TMEM132D: variants seen among roughly 807,000 people sequenced by gnomAD.
TMEM132D encodes mature OL transmembrane protein.
A neutral mutation model predicts 62.3 loss-of-function variants in TMEM132D; 21 were observed. The observed-to-expected ratio is 0.34, with a 90% confidence interval of 0.24 to 0.49. The LOEUF is 0.49. Ranked by LOEUF, TMEM132D falls within the 20% of genes least tolerant of loss-of-function variation. TMEM132D has a pLI of 0.99. For synonymous variants in TMEM132D, 621 were observed against 575.6 expected (o/e 1.08, Z -1.13); for missense variants, 1,346 against 1,402.8 (o/e 0.96, Z 0.65).
intron 4 of TMEM132D, among the ~76,000 whole-genome samples, chr12:129,274,382 T>C (rs1880944367): frequency 6.6e-6 from 1 of 152,194 alleles, no homozygotes; most frequent in Non-Finnish European, 1.5e-5. Flanking sequence ...TTGAGATACA[T>C]GGCGAGGTAC....
At position 129,654,253 on chromosome 12, in the gene TMEM132D, CTT is replaced by C. The variant is rs1491434880; in HGVS notation, c.968+45555_968+45556del. Among the ~76,000 whole-genome samples the C allele has an allele frequency of 5.8e-4, 87 of 149,210 alleles. 3 individuals are homozygous for C. In the South Asian group the frequency reaches 0.014, roughly 23 times the overall value. ...TGTTCCCATCAGTCTCAGTCTCTCT[CTT>C]TCTCTCTCTCTCTCTCACTCTCTCG... is the stretch of plus-strand genomic sequence containing the variant. On this transcript the variant is annotated intron_variant, in intron 2 of 8. Transcript: ENST00000422113.
chr12:129,505,673 G>C (rs749088562), intron 3 of TMEM132D, among the ~76,000 whole-genome samples: 1 of 152,170 alleles, frequency 6.6e-6, no homozygotes, highest in South Asian at 2.1e-4. Flanking sequence ...ATTAGGTCTA[G>C]TAGTAACTGT....
At chr12:129,618,686 A>C (rs1878984381) in intron 2 of TMEM132D, among the ~76,000 whole-genome samples, 1 of 152,232 alleles carries the variant, frequency 6.6e-6, no homozygotes, top group African/African-American at 2.4e-5. Flanking sequence ...ATCTATGTAC[A>C]TACATACAAA....
At chr12:129,556,834 A>G (rs1210439301) in intron 2 of TMEM132D, among the ~76,000 whole-genome samples, 1 of 152,238 alleles carries the variant, frequency 6.6e-6, no homozygotes, top group East Asian at 1.9e-4. Context: ...CGGTGAAGTT[A>G]GAGAACACTG....
chr12:129,725,314 T>C (rs116040691), intron 1 of TMEM132D, among the ~76,000 whole-genome samples: 1,914 of 152,326 alleles, frequency 0.013, 39 homozygotes, highest in African/African-American at 0.044. Flanking sequence ...TGCCTACAGA[T>C]AGTGTGCTAA....
intron 4 of TMEM132D, chr12:129,211,955 C>A (rs117678224): frequency 1.3e-5 from 2 of 152,070 alleles, no homozygotes; most frequent in Non-Finnish European, 2.9e-5. Context: ...TTTTTTTCTA[C>A]TCTAAAGGGG....
At chr12:129,385,529 A>T (rs772860517) in intron 3 of TMEM132D, among the ~76,000 whole-genome samples, 2 of 152,202 alleles carry the variant, frequency 1.3e-5, no homozygotes, top group Non-Finnish European at 2.9e-5. Flanking sequence ...CCTCCTGGCC[A>T]CCAACCAGCC....
chr12:129,380,782 C>A (rs1250333428), intron 3 of TMEM132D, among the ~76,000 whole-genome samples: 3 of 152,100 alleles, frequency 2.0e-5, no homozygotes, highest in African/African-American at 7.2e-5. Context: ...TAAAACTCCA[C>A]CCCATTTCAA....
intron 3 of TMEM132D, among the ~76,000 whole-genome samples, chr12:129,524,824 C>T (rs1047102291): frequency 6.6e-6 from 1 of 151,666 alleles, no homozygotes; most frequent in African/African-American, 2.4e-5. Context: ...CACTGTACTC[C>T]AGCCTAGCGA....
At chr12:129,814,809 G>A (rs1872299832) in intron 1 of TMEM132D, among the ~76,000 whole-genome samples, 1 of 151,916 alleles carries the variant, frequency 6.6e-6, no homozygotes, top group South Asian at 2.1e-4. Flanking sequence ...TCCCAGGACT[G>A]TTGCCCAGTT....
chr12:129,230,308 G>GA (rs1555239645), intron 4 of TMEM132D, among the ~76,000 whole-genome samples: 7 of 91,566 alleles, frequency 7.6e-5, no homozygotes. Context: ...CTGTGTTGGA[G>GA]GGGGGGGGCT....
rs372511057 is a variant in TMEM132D, at chr12:129,812,568, A to G, written c.79+90693T>C. On this transcript the variant is annotated intron_variant, in intron 1 of 8. Transcript: ENST00000422113. ...TCCAATCTGGCTCTGTCTCCACCACATCATTGAAAGTATTCACCTGTGTCT... is the reference window on the plus strand; with the variant it reads ...TCCAATCTGGCTCTGTCTCCACCACGTCATTGAAAGTATTCACCTGTGTCT... Among the ~76,000 whole-genome samples, 6 of 151,794 alleles carry G rather than the reference A, an allele frequency of 4.0e-5. 1 individual carries two copies. The East Asian group carries it at 7.8e-4, about 20-fold the overall frequency.
At chr12:129,385,230 C>T (rs968043630) in intron 3 of TMEM132D, among the ~76,000 whole-genome samples, 5 of 151,548 alleles carry the variant, frequency 3.3e-5, no homozygotes, top group South Asian at 2.1e-4. Flanking sequence ...CTTAGCCTCC[C>T]GAGTAGTGGG....
intron 5 of TMEM132D, among the ~76,000 whole-genome samples, chr12:129,151,946 T>C (rs6486436): frequency 0.92 from 138,315 of 150,240 alleles, 63,835 homozygotes; most frequent in Non-Finnish European, 0.93. Context: ...GGTGCAATCT[T>C]GGCTCACTGC....
intron 1 of TMEM132D, among the ~76,000 whole-genome samples, chr12:129,704,019 A>G (rs1332939722): frequency 2.0e-5 from 3 of 152,190 alleles, no homozygotes; most frequent in South Asian, 2.1e-4. Flanking sequence ...GGACTCAAAT[A>G]CCTCACATAG....
chr12:129,293,925 G>A (rs1402794171), intron 4 of TMEM132D, among the ~76,000 whole-genome samples: 5 of 152,142 alleles, frequency 3.3e-5, no homozygotes, highest in East Asian at 1.9e-4. Flanking sequence ...CTCCTGTTCT[G>A]GGGCTTCCCA....
Position 129,074,607 on chromosome 12 carries a change from C to A in TMEM132D, c.2568G>T (p.Thr856=), listed in dbSNP as rs200137658. Residue 856 remains threonine (T), a synonymous_variant, in exon 9 of 9, where the codon ACG becomes ACT. Transcript: ENST00000422113. ...TCTTCTGCAGGATGGACCTGTCTGT[C>A]GTGGTGCCCCGTCCCTCCATGAGTC... ...SMGLMEGRGT[T]TDRSILQKKK... 3 of 1,614,034 alleles carry A rather than the reference C, an allele frequency of 1.9e-6. No homozygotes were observed. The highest frequency in any genetic ancestry group is 2.5e-6 in the Non-Finnish European group (3 of 1,180,010).
intron 4 of TMEM132D, among the ~76,000 whole-genome samples, chr12:129,289,687 GA>G (rs1413291704): frequency 9.9e-5 from 15 of 152,036 alleles, no homozygotes; most frequent in African/African-American, 3.4e-4. Flanking sequence ...AACTCAAATT[GA>G]GGGGTAATAT....
chr12:129,507,840 T>A (rs891058843), intron 3 of TMEM132D, among the ~76,000 whole-genome samples: 2 of 152,090 alleles, frequency 1.3e-5, no homozygotes, highest in African/African-American at 4.8e-5. Flanking sequence ...CACCACCTGT[T>A]CCCCAATAAC....
Sources: gnomAD v4.1 joint callset for allele counts (sites outside exome capture counted in the v4.1 genomes callset) on GRCh38, gnomAD v4.1.1 for gene constraint, MANE v1.5 for transcripts, NCBI Gene and HGNC (gene_info 2026-07-23, HGNC 2026-07-21) for gene names.